PEBP4: variants seen among roughly 807,000 people sequenced by gnomAD.
PEBP4 encodes the protein phosphatidylethanolamine-binding protein 4.
In PEBP4, 22 loss-of-function variants were observed where a neutral mutation model predicts 23.9. The ratio of observed to expected loss-of-function variants is 0.92; its 90% CI spans 0.66 to 1.31. The LOEUF (loss-of-function observed/expected upper bound fraction) is 1.31. Among genes scored for constraint, PEBP4 ranks in the 40% most tolerant of loss-of-function variants. The probability of loss-of-function intolerance (pLI) is 0.00; values close to 1 mark genes in which losing one functional copy is unlikely to be tolerated. For synonymous variants in PEBP4, 112 were observed against 99.3 expected (o/e 1.13, Z -0.76); for missense variants, 324 against 281.7 (o/e 1.15, Z -1.07).
At chr8:22,759,756 G>A (rs775123846) in intron 4 of PEBP4, among the ~76,000 whole-genome samples, 3 of 152,222 alleles carry the variant, frequency 2.0e-5, no homozygotes, top group Non-Finnish European at 4.4e-5. Context: ...CAGCCATGGA[G>A]ACTGCTCCCT....
At chr8:22,721,761 C>A (rs1245815615) in intron 6 of PEBP4, among the ~76,000 whole-genome samples, 1 of 152,178 alleles carries the variant, frequency 6.6e-6, no homozygotes, top group Non-Finnish European at 1.5e-5. Flanking sequence ...GGAGAGAAAT[C>A]TAGATCAAGG....
At chr8:22,780,442 C>CT (rs1805891603) in intron 4 of PEBP4, among the ~76,000 whole-genome samples, 2 of 152,120 alleles carry the variant, frequency 1.3e-5, no homozygotes, top group Non-Finnish European at 2.9e-5. Flanking sequence ...GTCCTCTCCC[C>CT]TCCCTAAGCA....
chr8:22,725,046 C>T, intron 5 of PEBP4, 90 bp from the exon 6 acceptor site: 1 of 1,080,332 alleles, frequency 9.3e-7, no homozygotes, highest in South Asian at 1.3e-5. Context: ...TGCTGACCTC[C>T]CTGGGGCCCC....
intron 3 of PEBP4, among the ~76,000 whole-genome samples, chr8:22,899,361 G>A (rs571751757): frequency 5.9e-5 from 9 of 152,362 alleles, no homozygotes; most frequent in East Asian, 1.9e-4. Flanking sequence ...GAAAGGCAGA[G>A]AGAATGGCTC....
chr8:22,878,704 T>C (rs1049325167), intron 3 of PEBP4, among the ~76,000 whole-genome samples: 6 of 152,102 alleles, frequency 3.9e-5, no homozygotes, highest in Non-Finnish European at 8.8e-5. Context: ...CAAACAGGGG[T>C]GCATTCCCTG....
rs182393330 is a variant in PEBP4, at chr8:22,819,847, C to T, written c.259-2112G>A. ...GGTCTCGATCTCCTGATCTCATGATCCACCTGCCTCGGCCTCCCAAAGTGC... is the reference window on the plus strand; with the variant it reads ...GGTCTCGATCTCCTGATCTCATGATTCACCTGCCTCGGCCTCCCAAAGTGC... On this transcript the variant is annotated intron_variant, in intron 3 of 6. Coordinates refer to ENST00000256404, the MANE Select transcript of PEBP4 (RefSeq NM_144962.3). Among the ~76,000 whole-genome samples the T allele has an allele frequency of 3.1e-3, 469 of 152,270 alleles. 1 individual carries two copies. The highest frequency in any genetic ancestry group is 0.011 in the African/African-American group (459 of 41,540).
At position 22,796,640 on chromosome 8, in the gene PEBP4, A is replaced by C. The variant is rs151245190; in HGVS notation, c.357+20997T>G. On this transcript the variant is annotated intron_variant, in intron 4 of 6. Transcript: ENST00000256404. ...GCTATATAGACAATGTCAGCACCTA[A>C]GATGGTTAGAGCCAAAAGGGGCCTA... 9.8e-3 allele frequency among the ~76,000 whole-genome samples: 1,498 copies of C among 152,302 alleles called. 24 individuals are homozygous for C. The highest frequency in any genetic ancestry group is 0.068 in the South Asian group (326 of 4,822).
At chr8:22,860,357 G>A (rs1055273484) in intron 3 of PEBP4, among the ~76,000 whole-genome samples, 2 of 151,714 alleles carry the variant, frequency 1.3e-5, no homozygotes, top group Non-Finnish European at 2.9e-5. Context: ...TTGCAAAACT[G>A]AAACTCTTTA....
chr8:22,796,240 A>G (rs1260035460), intron 4 of PEBP4, among the ~76,000 whole-genome samples: 2 of 149,030 alleles, frequency 1.3e-5, no homozygotes, highest in Non-Finnish European at 3.0e-5. Flanking sequence ...CAGTTTTCTC[A>G]GCAATTCTCA....
chr8:22,916,790 T>C (rs945831159), intron 3 of PEBP4, among the ~76,000 whole-genome samples: 1 of 152,218 alleles, frequency 6.6e-6, no homozygotes, highest in African/African-American at 2.4e-5. Context: ...ACACATAGTC[T>C]TTCTCTCCTA....
upstream of PEBP4, among the ~76,000 whole-genome samples, chr8:22,928,648 C>A (rs113520791): frequency 6.6e-6 from 1 of 152,078 alleles, no homozygotes; most frequent in African/African-American, 2.4e-5. Flanking sequence ...ACAGGCTTTC[C>A]AATAGCTCTG....
chr8:22,839,783 C>T (rs1396011964), intron 3 of PEBP4, among the ~76,000 whole-genome samples: 2 of 152,306 alleles, frequency 1.3e-5, no homozygotes, highest in South Asian at 2.1e-4. Flanking sequence ...TTCCCTCCCA[C>T]TGCCAGCTCT....
upstream of PEBP4, among the ~76,000 whole-genome samples, chr8:22,931,608 T>A (rs1465564229): frequency 6.6e-6 from 1 of 152,026 alleles, no homozygotes; most frequent in Non-Finnish European, 1.5e-5. Flanking sequence ...TGTTTTTAGG[T>A]GGAGTCTCGC....
intron 3 of PEBP4, among the ~76,000 whole-genome samples, chr8:22,909,000 G>A (rs1465042269): frequency 6.6e-6 from 1 of 152,176 alleles, no homozygotes; most frequent in African/African-American, 2.4e-5. Context: ...AAGAGAGATA[G>A]GGCAGGGGTT....
intron 3 of PEBP4, among the ~76,000 whole-genome samples, chr8:22,846,761 G>A (rs1002266548): frequency 6.6e-6 from 1 of 152,198 alleles, no homozygotes; most frequent in African/African-American, 2.4e-5. Context: ...GTGAGTTGCA[G>A]AAAGGGGACT....
At chr8:22,928,691 A>G (rs1378437889), upstream of PEBP4, among the ~76,000 whole-genome samples, 2 of 152,056 alleles carry the variant, frequency 1.3e-5, no homozygotes, top group Non-Finnish European at 2.9e-5. Context: ...GGTGGGAGAG[A>G]CGTGCCAGCA....
intron 4 of PEBP4, among the ~76,000 whole-genome samples, chr8:22,804,997 C>A (rs1806465669): frequency 6.6e-6 from 1 of 152,140 alleles, no homozygotes; most frequent in Non-Finnish European, 1.5e-5. Context: ...GGGGAACTTT[C>A]TCCCCGCTCT....
chr8:22,904,894 G>A (rs984118457), intron 3 of PEBP4, among the ~76,000 whole-genome samples: 5 of 152,044 alleles, frequency 3.3e-5, no homozygotes, highest in Non-Finnish European at 2.9e-5. Flanking sequence ...CATTTAAGAC[G>A]ATTTTCTTTT....
intron 3 of PEBP4, among the ~76,000 whole-genome samples, chr8:22,911,245 G>A (rs970261037): frequency 2.0e-5 from 3 of 152,156 alleles, no homozygotes; most frequent in Non-Finnish European, 2.9e-5. Context: ...TGGACTCTGC[G>A]AGTACAAGAC....
Sources: allele counts gnomAD v4.1 joint callset (sites outside exome capture counted in the v4.1 genomes callset), GRCh38; gene constraint gnomAD v4.1.1; transcripts MANE v1.5; gene names NCBI Gene and HGNC (gene_info 2026-07-23, HGNC 2026-07-21).